PKHD1L1: variants seen among roughly 807,000 people sequenced by gnomAD.
PKHD1L1 encodes fibrocystin-L.
A neutral mutation model predicts 462.9 loss-of-function variants in PKHD1L1; 434 were observed. The observed-to-expected ratio is 0.94, with a 90% CI of 0.87 to 1.02. The LOEUF is 1.02. Ranked by LOEUF, PKHD1L1 falls within the 50% of genes least tolerant of loss-of-function variation. The pLI is 0.00. For synonymous variants in PKHD1L1, 1,781 were observed against 1,750.0 expected, an observed-to-expected ratio of 1.02 and a Z score of -0.44; for missense variants, 5,202 against 5,096.1, an observed-to-expected ratio of 1.02 and a Z score of -0.63.
chr8:109,511,100 A>G (rs1473930788), intron 71 of PKHD1L1, among the ~76,000 whole-genome samples, 166 bp downstream of exon 71: 2 of 152,144 alleles, frequency 1.3e-5, no homozygotes, highest in East Asian at 1.9e-4. Flanking sequence ...GACAGTTTTC[A>G]TCAACCTGAA....
Position 109,444,810 on chromosome 8 carries a change from G to T in PKHD1L1, c.4941G>T (p.Leu1647Phe). Residue 1647 changes from leucine (L) to phenylalanine (F), a missense_variant, in exon 38 of 78, where the codon TTG becomes TTT. Physicochemically the swap from Leu to Phe is conservative, Grantham distance 22. Coordinates refer to ENST00000378402, the MANE Select transcript of PKHD1L1 (RefSeq NM_177531.6). The stretch of plus-strand genomic sequence containing the variant: ...ACCTGGGCACTGCTATCAATACGTT[G>T]TCCAATGAATTTGATAGGCGATTTG... ...VYNLGTAINT[L>F]SNEFDRRFVL... 1 of 1,614,000 alleles carries T rather than the reference G, an allele frequency of 6.2e-7. No individual in the cohort carries two copies. The highest frequency in any genetic ancestry group is 8.5e-7 in the Non-Finnish European group (1 of 1,179,894).
Position 109,443,077 on chromosome 8 carries a change from C to A in PKHD1L1, c.4525C>A (p.His1509Asn). 4 of 1,613,628 alleles carry A rather than the reference C, an allele frequency of 2.5e-6. No homozygotes were observed. The South Asian group carries it at 4.4e-5, about 18-fold the overall frequency. ...LPAETRHIPL[H>N]LFVGRSEATY... ...AGCTGAAACCAGACACATTCCCTTGCACCTGTTTGTGGGTCGCTCTGAAGC... is the reference window on the plus strand; with the variant it reads ...AGCTGAAACCAGACACATTCCCTTGAACCTGTTTGTGGGTCGCTCTGAAGC... The change falls in exon 36 of 78, where the codon CAC (histidine) becomes AAC (asparagine). Residue 1509 changes from histidine (H) to asparagine (N), a missense_variant. Physicochemically the swap from His to Asn is moderately conservative, Grantham distance 68. Transcript: ENST00000378402.
intron 68 of PKHD1L1, among the ~76,000 whole-genome samples, chr8:109,506,847 C>T (rs920339664): frequency 5.9e-5 from 9 of 152,100 alleles, no homozygotes; most frequent in South Asian, 2.1e-4. Context: ...GTATATATCA[C>T]GGTATTCTAT....
At position 109,459,649 on chromosome 8, in the gene PKHD1L1, C is replaced by T. The variant is rs1241887783; in HGVS notation, c.7059C>T (p.Gly2353=). The part of the protein sequence containing the change: ...KMTIASVSAD[G]INITLSNPLN... ...CCATTGCATCTGTGTCTGCTGATGG[C>T]ATAAACATAACACTAAGTAACCCAC... The change falls in exon 47 of 78, where the codon GGC becomes GGT. Residue 2353 remains glycine (G), a synonymous_variant. Transcript: ENST00000378402. The T allele has an allele frequency of 2.2e-5, 35 of 1,602,544 alleles. No individual in the cohort carries two copies. Among genetic ancestry groups the T allele is most frequent in the Non-Finnish European group, 3.0e-5 (35 of 1,173,922 alleles).
Position 109,443,922 on chromosome 8 carries a change from C to CTT in PKHD1L1, c.4791+22_4791+23dup. On this transcript the variant is annotated intron_variant, in intron 37 of 77. Coordinates refer to ENST00000378402, the MANE Select transcript of PKHD1L1 (RefSeq NM_177531.6). Reference sequence around the variant, plus strand: ...AATAAGGTAAGAATATAAATACCTCCTTTGTACTTCTATTATATGTTCCCA... The same window carrying CTT: ...AATAAGGTAAGAATATAAATACCTCCTTTTTGTACTTCTATTATATGTTCCCA... 6.6e-7 allele frequency: 1 copy of CTT among 1,525,098 alleles called. No individual in the cohort carries two copies. Among genetic ancestry groups the CTT allele is most frequent in the South Asian group, 1.2e-5 (1 of 86,416 alleles). 94.5% of individuals were successfully genotyped at this position (1,525,098 alleles called of 1,614,324 possible).
chr8:109,464,569 C>T lies in PKHD1L1; in HGVS notation c.7737C>T (p.Gly2579=), dbSNP rs1325279217. 1 of 1,613,382 alleles carries T rather than the reference C, an allele frequency of 6.2e-7. No individual in the cohort carries two copies. Residue 2579 remains glycine (G), a synonymous_variant, in exon 49 of 78, where the codon GGC becomes GGT. Transcript: ENST00000378402. ...TACGACACAATGCTGTTGCTGGTGG[C>T]ACTCACTTTGGCTTTTGGTACCGGA... ...NTIRHNAVAG[G]THFGFWYRMN... is the part of the protein sequence containing the mutation.
chr8:109,475,713 G>T (rs1483740287), intron 51 of PKHD1L1, among the ~76,000 whole-genome samples: 3 of 151,436 alleles, frequency 2.0e-5, no homozygotes, highest in Admixed American at 1.3e-4. Context: ...CGGGTGTGGT[G>T]GTGGGCATCT....
At chr8:109,385,673 G>A (rs774169007) in intron 6 of PKHD1L1, 43 bp downstream of exon 6, 19 of 1,258,680 alleles carry the variant, frequency 1.5e-5, no homozygotes, top group East Asian at 2.5e-5. Context: ...ACTCATAAAT[G>A]AGAAGTAATA....
Position 109,472,493 on chromosome 8 carries a change from C to T in PKHD1L1, c.8606-2625C>T, listed in dbSNP as rs1817772287. Among the ~76,000 whole-genome samples the T allele has an allele frequency of 2.0e-5, 3 of 152,160 alleles. No homozygotes were observed. In the South Asian group the frequency reaches 6.2e-4, roughly 32 times the overall value. On this transcript the variant is annotated intron_variant, in intron 50 of 77. Coordinates refer to ENST00000378402, the MANE Select transcript of PKHD1L1 (RefSeq NM_177531.6). ...GTCACGTTTCTCTGCACCCTTTCAT[C>T]TATTCCCTTCAAGAATTAAGATTTT...
chr8:109,378,994 T>G (rs995077071), intron 2 of PKHD1L1, among the ~76,000 whole-genome samples: 3 of 152,158 alleles, frequency 2.0e-5, no homozygotes, highest in Non-Finnish European at 4.4e-5. Flanking sequence ...AGCTTCTCTC[T>G]GTGGCCACCG....
intron 72 of PKHD1L1, among the ~76,000 whole-genome samples, chr8:109,517,874 C>T (rs915148356): frequency 6.6e-6 from 1 of 152,036 alleles, no homozygotes; most frequent in African/African-American, 2.4e-5. Flanking sequence ...ACAGTATAGG[C>T]TCCTGGGATC....
intron 28 of PKHD1L1, among the ~76,000 whole-genome samples, 198 bp downstream of exon 28, chr8:109,433,414 T>G (rs1168024634): frequency 6.6e-6 from 1 of 152,234 alleles, no homozygotes; most frequent in Non-Finnish European, 1.5e-5. Context: ...ACAGACTATT[T>G]CATTGTTGTA....
chr8:109,378,838 A>G (rs1193619142), intron 2 of PKHD1L1, among the ~76,000 whole-genome samples: 1 of 152,220 alleles, frequency 6.6e-6, no homozygotes, highest in East Asian at 1.9e-4. Context: ...TCCAGAAATT[A>G]GAATGTCTTA....
At position 109,531,979 on chromosome 8, in the gene PKHD1L1, A is replaced by C. The variant is rs1480560801; in HGVS notation, c.*1889A>C. On this transcript the variant is annotated 3_prime_UTR_variant, in exon 78 of 78. Transcript: ENST00000378402. ...ATACTTCCTTTCTGTTGGAAAACTA[A>C]ATTCCAAAAACTGCAATTCCAGCAT... Among the ~76,000 whole-genome samples, 2 of 152,232 alleles carry C rather than the reference A, an allele frequency of 1.3e-5. No individual in the cohort carries two copies. Among genetic ancestry groups the C allele is most frequent in the Non-Finnish European group, 2.9e-5 (2 of 68,044 alleles).
At chr8:109,444,024 C>A in intron 37 of PKHD1L1, 122 bp downstream of exon 37, 2 of 830,624 alleles carry the variant, frequency 2.4e-6, no homozygotes, top group Non-Finnish European at 3.7e-6. Context: ...CCATACAATT[C>A]ACCCACTTAA....
intron 67 of PKHD1L1, among the ~76,000 whole-genome samples, chr8:109,503,354 AG>A (rs1819534626): frequency 6.6e-6 from 1 of 152,106 alleles, no homozygotes; most frequent in Non-Finnish European, 1.5e-5. Context: ...GGTGGTTTGC[AG>A]CCAATACTTA....
chr8:109,381,757 T>C (rs946476624), intron 3 of PKHD1L1, among the ~76,000 whole-genome samples: 1 of 152,150 alleles, frequency 6.6e-6, no homozygotes, highest in Non-Finnish European at 1.5e-5. Flanking sequence ...TATTACCTTA[T>C]TGTTGAGCAT....
Position 109,497,234 on chromosome 8 carries a change from A to G in PKHD1L1, c.10561A>G (p.Ile3521Val), listed in dbSNP as rs889144634. The G allele has an allele frequency of 1.9e-6, 3 of 1,613,436 alleles. No individual in the cohort carries two copies. Among genetic ancestry groups the G allele is most frequent in the African/African-American group, 1.3e-5 (1 of 74,908 alleles). The change falls in exon 65 of 78, where the codon ATA (isoleucine) becomes GTA (valine). Residue 3521 changes from isoleucine (I) to valine (V), a missense_variant. Coordinates refer to ENST00000378402, the MANE Select transcript of PKHD1L1 (RefSeq NM_177531.6). ...TCCAATGATTTACATGCCAGCTGCT[A>G]TATCACACAAAATTTCCAGTAAAAA... Reference protein sequence around the residue: ...IFPMIYMPAAISHKISSKNVQ... With the variant: ...IFPMIYMPAAVSHKISSKNVQ...
chr8:109,415,877 G>C (rs1299988772), intron 21 of PKHD1L1, among the ~76,000 whole-genome samples: 1 of 149,394 alleles, frequency 6.7e-6, no homozygotes, highest in Non-Finnish European at 1.5e-5. Flanking sequence ...GTGTGTGTGT[G>C]TGTGTGTGTG....
Sources: gnomAD v4.1 joint callset for allele counts (sites outside exome capture counted in the v4.1 genomes callset) on GRCh38, gnomAD v4.1.1 for gene constraint, MANE v1.5 for transcripts, NCBI Gene and HGNC (gene_info 2026-07-23, HGNC 2026-07-21) for gene names.